RFX8: variants seen among roughly 807,000 people sequenced by gnomAD.
RFX8 encodes DNA-binding protein RFX8.
Under a neutral mutation model 54.6 loss-of-function variants are expected in RFX8, and 46 were observed. That is an observed-to-expected ratio of 0.84 (90% confidence interval 0.67 to 1.08). The LOEUF (loss-of-function observed/expected upper bound fraction) is 1.08, where lower values mean the gene tolerates loss of function less well. Ranked by LOEUF, RFX8 falls within the 50% of genes least tolerant of loss-of-function variation. The pLI is 0.00. For missense variants in RFX8, 536 were observed against 562.3 expected, an observed-to-expected ratio of 0.95 and a Z score of 0.47; for synonymous variants, 192 against 209.5, an observed-to-expected ratio of 0.92 and a Z score of 0.72.
At chr2:101,469,175 C>G (rs1689836997) in intron 1 of RFX8, among the ~76,000 whole-genome samples, 2 of 140,978 alleles carry the variant, frequency 1.4e-5, no homozygotes, top group Non-Finnish European at 3.0e-5. Context: ...CACACATATA[C>G]ATGGAGAGAG....
chr2:101,407,693 A>T lies in RFX8; in HGVS notation c.814-1636T>A, dbSNP rs963356583. 6.6e-4 allele frequency among the ~76,000 whole-genome samples: 100 copies of T among 151,538 alleles called. 1 individual carries two copies. The highest frequency in any genetic ancestry group is 2.4e-3 in the African/African-American group (97 of 41,032). ...GGTGACAGAGCAAGACTCCATCTCA[A>T]TTAAAAAAAAAAACAAAACACAGGG... is the stretch of plus-strand genomic sequence containing the variant. On this transcript the variant is annotated intron_variant, in intron 9 of 11. Coordinates refer to ENST00000428343, the MANE Select transcript of RFX8 (RefSeq NM_001145664.2).
At chr2:101,426,892 C>T (rs1377737652) in intron 2 of RFX8, among the ~76,000 whole-genome samples, 1 of 152,184 alleles carries the variant, frequency 6.6e-6, no homozygotes, top group African/African-American at 2.4e-5. Context: ...GCAAATGTAT[C>T]CTGTCACTCT....
intron 2 of RFX8, among the ~76,000 whole-genome samples, chr2:101,465,354 C>A (rs1375146533): frequency 6.6e-6 from 1 of 151,950 alleles, no homozygotes; most frequent in Non-Finnish European, 1.5e-5. Flanking sequence ...AAATAAAATA[C>A]AAAAAATTAG....
rs372978299 is a variant in RFX8 at position 101,404,361 on chromosome 2, G to A, written c.928+1582C>T. ...TCCTGAAACCATTGTTCAAACTACT[G>A]GTGTGAATACATTGATTTCATATGG... On this transcript the variant is annotated intron_variant, in intron 10 of 11. Transcript: ENST00000428343. Among the ~76,000 whole-genome samples, 18 of 152,284 alleles carry A rather than the reference G, an allele frequency of 1.2e-4. 1 individual carries two copies. The East Asian group carries it at 1.7e-3, about 15-fold the overall frequency.
intron 2 of RFX8, among the ~76,000 whole-genome samples, chr2:101,423,191 G>A (rs1160647292): frequency 1.3e-5 from 2 of 151,426 alleles, no homozygotes; most frequent in Non-Finnish European, 2.9e-5. Flanking sequence ...CCGGGAAATG[G>A]AGGTTGCAGT....
At chr2:101,432,735 C>G (rs1687558706) in intron 2 of RFX8, among the ~76,000 whole-genome samples, 2 of 152,210 alleles carry the variant, frequency 1.3e-5, no homozygotes, top group Non-Finnish European at 2.9e-5. Flanking sequence ...GCCAAGGAAA[C>G]CACACACAAC....
At chr2:101,444,944 G>T (rs1014804154) in intron 2 of RFX8, among the ~76,000 whole-genome samples, 2 of 152,210 alleles carry the variant, frequency 1.3e-5, no homozygotes, top group African/African-American at 4.8e-5. Flanking sequence ...GAGACACAGA[G>T]AGATTGAGTG....
intron 2 of RFX8, among the ~76,000 whole-genome samples, chr2:101,462,192 G>A (rs537576715): frequency 1.0e-3 from 152 of 152,246 alleles, no homozygotes; most frequent in African/African-American, 3.3e-3. Flanking sequence ...TTGGGAGGCG[G>A]AGACGCAGGT....
chr2:101,426,311 G>A (rs1411781013), intron 2 of RFX8, among the ~76,000 whole-genome samples: 1 of 151,872 alleles, frequency 6.6e-6, no homozygotes, highest in Non-Finnish European at 1.5e-5. Flanking sequence ...ACCAGCATGG[G>A]CAACATAGTA....
At chr2:101,445,416 A>G (rs1688318784) in intron 2 of RFX8, among the ~76,000 whole-genome samples, 2 of 151,752 alleles carry the variant, frequency 1.3e-5, no homozygotes, top group South Asian at 2.1e-4. Flanking sequence ...TTTTTGAGAC[A>G]GGGTCTTGCT....
At chr2:101,453,921 T>C (rs1688829917) in intron 2 of RFX8, among the ~76,000 whole-genome samples, 2 of 152,214 alleles carry the variant, frequency 1.3e-5, no homozygotes, top group African/African-American at 4.8e-5. Flanking sequence ...TATTGTACTT[T>C]AAGTTCTAGG....
At chr2:101,454,029 C>CT (rs1034218091) in intron 2 of RFX8, among the ~76,000 whole-genome samples, 5 of 152,094 alleles carry the variant, frequency 3.3e-5, no homozygotes, top group African/African-American at 1.2e-4. Flanking sequence ...GGTATTTCTC[C>CT]TAATGCTATC....
At chr2:101,412,520 T>C (rs1686197599) in intron 8 of RFX8, among the ~76,000 whole-genome samples, 1 of 152,204 alleles carries the variant, frequency 6.6e-6, no homozygotes, top group Non-Finnish European at 1.5e-5. Context: ...CGCAGACATC[T>C]AGCTCAAGGC....
intron 4 of RFX8, among the ~76,000 whole-genome samples, chr2:101,421,033 A>G (rs1309593268): frequency 1.3e-5 from 2 of 152,228 alleles, no homozygotes; most frequent in Non-Finnish European, 2.9e-5. Context: ...GTAACATTGC[A>G]TCAATAGGAC....
intron 2 of RFX8, among the ~76,000 whole-genome samples, chr2:101,447,003 G>A (rs192597362): frequency 4.1e-4 from 62 of 152,310 alleles, no homozygotes; most frequent in Non-Finnish European, 6.6e-4. Context: ...GTGACTAAGA[G>A]ATGAATAAGA....
At chr2:101,456,248 T>C (rs1353797653) in intron 2 of RFX8, among the ~76,000 whole-genome samples, 2 of 152,226 alleles carry the variant, frequency 1.3e-5, no homozygotes, top group African/African-American at 4.8e-5. Context: ...TCCAACACTA[T>C]GTTGAATAGG....
Position 101,410,641 on chromosome 2 carries a change from T to G in RFX8, c.791A>C (p.His264Pro), listed in dbSNP as rs947358227. ...TACCTGGAACACAAATGCTTGGAGA[T>G]GTGAAGACAGACAGCTGAGGAATAC... is the stretch of plus-strand genomic sequence containing the variant. ...LRVFLSCLSS[H>P]LQAFVFQTSR... Residue 264 changes from histidine (H) to proline (P), a missense_variant, in exon 9 of 12, where the codon CAT (histidine) becomes CCT (proline). Physicochemically the swap from His to Pro is moderately conservative, Grantham distance 77. Transcript: ENST00000428343. The G allele has an allele frequency of 1.9e-6, 3 of 1,541,136 alleles. No individual in the cohort carries two copies. The African/African-American group carries it at 4.1e-5, about 21-fold the overall frequency.
At position 101,421,385 on chromosome 2, in the gene RFX8, C is replaced by T. The variant is rs80213843; in HGVS notation, c.237+339G>A. 2.7e-4 allele frequency: 271 copies of T among 1,022,386 alleles called. 1 individual carries two copies. The East Asian group carries it at 0.014, about 55-fold the overall frequency. 63.3% of individuals were successfully genotyped at this position (1,022,386 alleles called of 1,614,324 possible). ...AGCGCGTATCAATCAAATGGCTCTT[C>T]GGCACCATTGAAAATTCCAGGGTGA... On this transcript the variant is annotated intron_variant, in intron 4 of 11. Transcript: ENST00000428343.
chr2:101,404,962 A>T (rs1685645535), intron 10 of RFX8, among the ~76,000 whole-genome samples: 1 of 152,140 alleles, frequency 6.6e-6, no homozygotes, highest in African/African-American at 2.4e-5. Context: ...AGTATCTGGC[A>T]GCTCTCTATG....
Sources: gnomAD v4.1 joint callset for allele counts (sites outside exome capture counted in the v4.1 genomes callset) on GRCh38, gnomAD v4.1.1 for gene constraint, MANE v1.5 for transcripts, NCBI Gene and HGNC (gene_info 2026-07-23, HGNC 2026-07-21) for gene names.